Variants in RNF123 observed in about 807,000 individuals in gnomAD.
The protein encoded by RNF123 is E3 ubiquitin-protein ligase RNF123.
Under a neutral mutation model 168.5 loss-of-function variants are expected in RNF123, and 86 were observed. That is an observed-to-expected ratio of 0.51 (90% confidence interval 0.43 to 0.61). The LOEUF is 0.61. Ranked by LOEUF, RNF123 falls within the 20% of genes least tolerant of loss-of-function variation. The pLI is 0.00. For synonymous variants in RNF123, 666 were observed against 689.1 expected, an observed-to-expected ratio of 0.97 and a Z score of 0.52; for missense variants, 1,419 against 1,729.7, an observed-to-expected ratio of 0.82 and a Z score of 3.19.
chr3:49,700,004 A>G (rs1023863320), intron 12 of RNF123: 11 of 690,926 alleles, frequency 1.6e-5, no homozygotes, highest in Non-Finnish European at 2.6e-5. Flanking sequence ...GGATAATAAC[A>G]TCCCAGGCCA....
At chr3:49,714,994 C>T (rs11130219) in intron 31 of RNF123, among the ~76,000 whole-genome samples, 79,548 of 152,192 alleles carry the variant, frequency 0.52, 21,736 homozygotes, top group East Asian at 0.82. Context: ...CAGGCCTGTC[C>T]TGCTGCTGCG....
intron 1 of RNF123, among the ~76,000 whole-genome samples, chr3:49,690,090 C>A (rs1176742116): frequency 2.0e-5 from 3 of 152,036 alleles, no homozygotes; most frequent in Admixed American, 6.5e-5. Context: ...GAGGAGCAGG[C>A]GTGGTGCAGA....
intron 26 of RNF123, 136 bp downstream of exon 26, chr3:49,707,034 C>T (rs1185285910): frequency 1.5e-6 from 1 of 680,510 alleles, no homozygotes; most frequent in African/African-American, 1.8e-5. Context: ...ACTTCAGACT[C>T]CATCACCCCA....
chr3:49,718,230 A>C, intron 35 of RNF123: 1 of 1,610,766 alleles, frequency 6.2e-7, no homozygotes, highest in Non-Finnish European at 8.5e-7. Flanking sequence ...AGCGGCAGGC[A>C]CGGCGGCAGC....
rs2054530010 is a variant in RNF123, at chr3:49,706,888, T to G, written c.2486T>G (p.Val829Gly). 3 of 1,613,840 alleles carry G rather than the reference T, an allele frequency of 1.9e-6. No individual in the cohort carries two copies. The highest frequency in any genetic ancestry group is 1.7e-5 in the Admixed American group (1 of 59,992). The part of the protein sequence containing the change: ...SRRLAWVHAT[V>G]YSQEKMLDIY... Reference sequence around the variant, plus strand: ...CGTCTTGCCTGGGTCCATGCCACTGTCTACTCCCAGGTGTGCTGGTATTGC... The same window carrying G: ...CGTCTTGCCTGGGTCCATGCCACTGGCTACTCCCAGGTGTGCTGGTATTGC... The change falls in exon 26 of 39, where the codon GTC (valine) becomes GGC (glycine). Residue 829 changes from valine to glycine, a missense_variant. This residue lies in a region of RNF123 where 538 missense variants were observed against 708.8 expected (regional missense o/e 0.76). Coordinates refer to ENST00000327697, the MANE Select transcript of RNF123 (RefSeq NM_022064.5).
chr3:49,720,921 C>T (rs370078820), intron 37 of RNF123, 27 bp downstream of exon 37: 2 of 1,612,354 alleles, frequency 1.2e-6, no homozygotes, highest in Non-Finnish European at 1.7e-6. Context: ...TGCACAGGTC[C>T]ATGCCACTTG....
At position 49,705,476 on chromosome 3, in the gene RNF123, C is replaced by T. The variant is rs372914999; in HGVS notation, c.2159-58C>T. The T allele has an allele frequency of 4.8e-5, 73 of 1,527,462 alleles. No individual in the cohort carries two copies. The African/African-American group carries it at 7.4e-4, about 15-fold the overall frequency. 94.6% of individuals were successfully genotyped at this position (1,527,462 alleles called of 1,614,324 possible). A position where few individuals can be genotyped will look rare whatever the true frequency, so the allele number is the denominator to read the frequency against. On this transcript the variant is annotated intron_variant, in intron 23 of 38. Coordinates refer to ENST00000327697, the MANE Select transcript of RNF123 (RefSeq NM_022064.5). Reference sequence around the variant, plus strand: ...GATGATTTCCTCTCCTGCTGTGAGGCAGGCTCAGGAGAGCCGGGATGGCCC... The same window carrying T: ...GATGATTTCCTCTCCTGCTGTGAGGTAGGCTCAGGAGAGCCGGGATGGCCC...
At chr3:49,696,927 T>A in intron 3 of RNF123, 2 of 534,230 alleles carry the variant, frequency 3.7e-6, no homozygotes, top group South Asian at 3.5e-5. Context: ...ATTACAGGCA[T>A]GGGCCACCAC....
chr3:49,700,847 C>A, intron 15 of RNF123, 138 bp downstream of exon 15: 1 of 887,990 alleles, frequency 1.1e-6, no homozygotes, highest in Non-Finnish European at 1.8e-6. Context: ...GTGGCATTTT[C>A]TCTACAGAGC....
chr3:49,701,503 C>T lies in RNF123; in HGVS notation c.1290C>T (p.Leu430=). Residue 430 remains leucine (L), a synonymous_variant, in exon 16 of 39, where the codon CTC becomes CTT. Coordinates refer to ENST00000327697, the MANE Select transcript of RNF123 (RefSeq NM_022064.5). ...TGACACCCGCCAGCTTCGACGTGCTCCGCTCCGTCGTCTTCTTTTACATCA... is the reference window on the plus strand; with the variant it reads ...TGACACCCGCCAGCTTCGACGTGCTTCGCTCCGTCGTCTTCTTTTACATCA... The part of the protein sequence containing the change: ...FLLSNVLFDV[L]RSVVFFYIKS... 6.2e-7 allele frequency: 1 copy of T among 1,613,604 alleles called. No homozygotes were observed.
chr3:49,713,398 G>A, intron 27 of RNF123, 115 bp from the exon 28 acceptor site: 1 of 977,000 alleles, frequency 1.0e-6, no homozygotes, highest in Non-Finnish European at 1.6e-6. Context: ...CTGGGTCCAG[G>A]CTGGCCTTGG....
chr3:49,716,034 G>T, intron 33 of RNF123, 24 bp downstream of exon 33: 3 of 1,613,768 alleles, frequency 1.9e-6, no homozygotes, highest in South Asian at 2.2e-5. Context: ...GGCAACAAGG[G>T]TGGGACCCTG....
intron 20 of RNF123, 147 bp downstream of exon 20, chr3:49,702,900 A>C (rs2054435158): frequency 1.6e-6 from 2 of 1,247,826 alleles, no homozygotes; most frequent in South Asian, 2.7e-5. Flanking sequence ...CTACCCAGCC[A>C]CAGGCGGCTT....
chr3:49,690,286 G>C (rs1056394443), intron 1 of RNF123, among the ~76,000 whole-genome samples: 1 of 152,262 alleles, frequency 6.6e-6, no homozygotes, highest in African/African-American at 2.4e-5. Context: ...GTAACCATTA[G>C]CCACATGTGG....
chr3:49,720,595 C>T lies in RNF123; in HGVS notation c.3585C>T (p.Pro1195=), dbSNP rs1418575029. 3 of 1,611,642 alleles carry T rather than the reference C, an allele frequency of 1.9e-6. No homozygotes were observed. In the South Asian group the frequency reaches 3.3e-5, roughly 18 times the overall value. ...SICYLLGQPE[P]PAPGTALPAP... ...GCTATCTCCTGGGACAGCCAGAGCC[C>T]CCAGCACCTGGCACTGCTCTGCCAG... The change falls in exon 36 of 39, where the codon CCC becomes CCT. Residue 1195 remains proline, a synonymous_variant. Coordinates refer to ENST00000327697, the MANE Select transcript of RNF123 (RefSeq NM_022064.5).
chr3:49,706,531 T>G (rs1575531277), intron 25 of RNF123, among the ~76,000 whole-genome samples: 1 of 152,208 alleles, frequency 6.6e-6, no homozygotes, highest in Non-Finnish European at 1.5e-5. Context: ...TGGCATCAGG[T>G]CCCTGGGTGC....
intron 9 of RNF123, 35 bp downstream of exon 9, chr3:49,698,857 C>A: frequency 6.2e-7 from 1 of 1,609,874 alleles, no homozygotes; most frequent in Non-Finnish European, 8.5e-7. Flanking sequence ...GGCCTGGCCC[C>A]TGGGGCCTCC....
At chr3:49,697,592 C>G (rs2054294120) in intron 5 of RNF123, 135 bp downstream of exon 5, 1 of 718,610 alleles carries the variant, frequency 1.4e-6, no homozygotes, top group African/African-American at 1.8e-5. Context: ...TGGCCCCAGA[C>G]CATTGTGTTC....
intron 36 of RNF123, 21 bp downstream of exon 36, chr3:49,720,674 G>C (rs918193122): frequency 1.3e-6 from 2 of 1,595,526 alleles, no homozygotes; most frequent in African/African-American, 2.7e-5. Flanking sequence ...TGGTGGGGCA[G>C]GTCAGGGAAA....
Sources: gnomAD v4.1 joint callset for allele counts (sites outside exome capture counted in the v4.1 genomes callset) on GRCh38, gnomAD v4.1.1 for gene constraint, gnomAD v4.1.1 regional missense constraint, MANE v1.5 for transcripts, NCBI Gene and HGNC (gene_info 2026-07-23, HGNC 2026-07-21) for gene names.